SUZ12: variants seen among roughly 807,000 people sequenced by gnomAD.
The protein encoded by SUZ12 is SUZ12 polycomb repressive complex 2 subunit, also known as polycomb protein SUZ12.
A neutral mutation model predicts 87.3 loss-of-function variants in SUZ12; 17 were observed. That is an observed-to-expected ratio of 0.19 (90% confidence interval 0.13 to 0.29). The LOEUF is 0.29. Ranked by LOEUF, SUZ12 falls within the 10% of genes least tolerant of loss-of-function variation. The probability of loss-of-function intolerance (pLI) is 1.00; values close to 1 mark genes in which losing one functional copy is unlikely to be tolerated. For missense variants in SUZ12, 526 were observed against 912.2 expected (o/e 0.58, Z 5.45); for synonymous variants, 253 against 312.4 (o/e 0.81, Z 2.01).
At position 32,000,632 on chromosome 17, in the gene SUZ12, TAAAAAAAA is replaced by T. The variant is rs769296762; in HGVS notation, c.*1639_*1646del. 1 of 188,962 alleles carries T rather than the reference TAAAAAAAA, an allele frequency of 5.3e-6. No homozygotes were observed. The highest frequency in any genetic ancestry group is 1.0e-5 in the Non-Finnish European group (1 of 95,818). The allele number at this position is 188,962 out of a possible 1,614,324, so 11.7% of individuals were successfully genotyped here. A position where few individuals can be genotyped will look rare whatever the true frequency, so the allele number is the denominator to read the frequency against. ...AATTTGCTAAAGCTGTGCACATATGTAAAAAAAAAAAAAAAAAGATTATTTTAGGGGAG... is the reference window on the plus strand; with the variant it reads ...AATTTGCTAAAGCTGTGCACATATGTAAAAAAAAAGATTATTTTAGGGGAG... On this transcript the variant is annotated 3_prime_UTR_variant, in exon 16 of 16. Coordinates refer to ENST00000322652, the MANE Select transcript of SUZ12 (RefSeq NM_015355.4).
At chr17:31,956,324 G>A (rs1217152027) in intron 4 of SUZ12, among the ~76,000 whole-genome samples, 1 of 151,916 alleles carries the variant, frequency 6.6e-6, no homozygotes, top group Non-Finnish European at 1.5e-5. Context: ...CTCTGGAGTA[G>A]CTGGGACTAC....
At chr17:31,991,411 G>A (rs1237625140) in intron 10 of SUZ12, among the ~76,000 whole-genome samples, 1 of 145,916 alleles carries the variant, frequency 6.9e-6, no homozygotes, top group African/African-American at 2.8e-5. Flanking sequence ...GGTTTTGCAA[G>A]TAAACTGTAG....
chr17:31,945,905 C>A (rs1414147435), intron 3 of SUZ12, among the ~76,000 whole-genome samples: 2 of 152,112 alleles, frequency 1.3e-5, no homozygotes, highest in Non-Finnish European at 2.9e-5. Context: ...TAGTAACTTT[C>A]AGTATTTATA....
chr17:31,998,024 G>A (rs1297219232), intron 15 of SUZ12, among the ~76,000 whole-genome samples: 1 of 151,718 alleles, frequency 6.6e-6, no homozygotes, highest in Non-Finnish European at 1.5e-5. Context: ...GATCACTTGA[G>A]TTGAGGAATT....
intron 10 of SUZ12, among the ~76,000 whole-genome samples, chr17:31,989,839 G>A (rs1348210272): frequency 6.7e-6 from 1 of 149,256 alleles, no homozygotes; most frequent in Non-Finnish European, 1.5e-5. Flanking sequence ...TCGATCTCCT[G>A]ACCTTGTGAT....
At chr17:31,995,116 A>G (rs1909903811) in intron 13 of SUZ12, among the ~76,000 whole-genome samples, 1 of 152,202 alleles carries the variant, frequency 6.6e-6, no homozygotes, top group Non-Finnish European at 1.5e-5. Flanking sequence ...TAATAGTAAT[A>G]AAAAAATTAC....
intron 4 of SUZ12, among the ~76,000 whole-genome samples, chr17:31,957,796 T>G (rs374631533): frequency 1.1e-4 from 16 of 151,166 alleles, no homozygotes; most frequent in East Asian, 5.8e-4. Context: ...TCCACCAGCC[T>G]CAGCCTCCCA....
At chr17:31,976,100 C>T (rs973834474) in intron 7 of SUZ12, among the ~76,000 whole-genome samples, 1 of 152,198 alleles carries the variant, frequency 6.6e-6, no homozygotes, top group African/African-American at 2.4e-5. Flanking sequence ...CCTCCAAAGT[C>T]TCACAACCTA....
At chr17:31,996,343 G>A (rs1909978816) in intron 14 of SUZ12, among the ~76,000 whole-genome samples, 1 of 152,174 alleles carries the variant, frequency 6.6e-6, no homozygotes, top group African/African-American at 2.4e-5. Context: ...CGGCAGGTGT[G>A]CTGGCTCACA....
chr17:31,956,527 C>T lies in SUZ12; in HGVS notation c.455+8842C>T, dbSNP rs573047407. 2.0e-5 allele frequency among the ~76,000 whole-genome samples: 3 copies of T among 152,182 alleles called. No homozygotes were observed. The South Asian group carries it at 6.2e-4, about 32-fold the overall frequency. On this transcript the variant is annotated intron_variant, in intron 4 of 15. Coordinates refer to ENST00000322652, the MANE Select transcript of SUZ12 (RefSeq NM_015355.4). ...ATATAGTTATTGTTTCTGCATTGTT[C>T]TGTTTCTTCTAACATTAGACCAGTA...
chr17:31,956,160 G>A (rs563357662), intron 4 of SUZ12, among the ~76,000 whole-genome samples: 4 of 150,810 alleles, frequency 2.7e-5, no homozygotes, highest in African/African-American at 9.7e-5. Flanking sequence ...TGATCTGTCC[G>A]CCTCGGCCTC....
chr17:31,961,641 C>A (rs1186839254), intron 4 of SUZ12, among the ~76,000 whole-genome samples: 8 of 152,188 alleles, frequency 5.3e-5, no homozygotes, highest in African/African-American at 1.9e-4. Context: ...GGTGAAAGAT[C>A]ATTTTGTTTA....
At chr17:31,993,010 T>A (rs945577072) in intron 10 of SUZ12, among the ~76,000 whole-genome samples, 2 of 152,156 alleles carry the variant, frequency 1.3e-5, no homozygotes, top group East Asian at 3.8e-4. Context: ...CGGCCAGAGG[T>A]GCTTTTTAAG....
rs558830040 is a variant in SUZ12 at position 31,966,093 on chromosome 17, T to C, written c.456-54T>C. The C allele has an allele frequency of 2.4e-5, 35 of 1,453,118 alleles. No individual in the cohort carries two copies. In the African/African-American group the frequency reaches 4.2e-4, roughly 17 times the overall value. The allele number at this position is 1,453,118 out of a possible 1,614,324, so 90.0% of individuals were successfully genotyped here. A position where few individuals can be genotyped will look rare whatever the true frequency, so the allele number is the denominator to read the frequency against. On this transcript the variant is annotated intron_variant, in intron 4 of 15. Transcript: ENST00000322652. ...CAATGTTATATTTTAAAGTCTAGGTTATTTTACTACAGAGCATTACAATGA... is the reference window on the plus strand; with the variant it reads ...CAATGTTATATTTTAAAGTCTAGGTCATTTTACTACAGAGCATTACAATGA...
At chr17:31,972,200 A>T (rs1908472794) in intron 5 of SUZ12, among the ~76,000 whole-genome samples, 1 of 151,952 alleles carries the variant, frequency 6.6e-6, no homozygotes, top group Non-Finnish European at 1.5e-5. Flanking sequence ...TGGGAGGATC[A>T]CTTTAACCCG....
intron 4 of SUZ12, among the ~76,000 whole-genome samples, chr17:31,958,971 T>C (rs751857893): frequency 1.1e-4 from 16 of 152,210 alleles, no homozygotes; most frequent in Non-Finnish European, 1.9e-4. Flanking sequence ...TGAGCAGATA[T>C]CGCACCACTG....
At position 31,975,656 on chromosome 17, in the gene SUZ12, C is replaced by T. The variant is rs778990935; in HGVS notation, c.766C>T (p.Arg256Cys). Residue 256 changes from arginine to cysteine, a missense_variant, in exon 7 of 16, where the codon CGT becomes TGT. By Grantham distance (180) the Arg-to-Cys change is radical. Transcript: ENST00000322652. ...KSYSLLFRVTRPGRREFNGMI... is the reference protein window; with the variant it reads ...KSYSLLFRVTCPGRREFNGMI... ...TTACTCGTTGCTATTTAGAGTGACT[C>T]GTCCAGGAAGAAGAGAGTTTAATGG... is the stretch of plus-strand genomic sequence containing the variant. The T allele has an allele frequency of 1.9e-6, 3 of 1,613,542 alleles. No homozygotes were observed. The highest frequency in any genetic ancestry group is 2.5e-6 in the Non-Finnish European group (3 of 1,179,832).
chr17:31,988,098 G>A (rs949523917), intron 9 of SUZ12, among the ~76,000 whole-genome samples: 1 of 152,138 alleles, frequency 6.6e-6, no homozygotes, highest in South Asian at 2.1e-4. Context: ...CTGATCAGTG[G>A]TCGCCTCTTT....
Position 31,988,370 on chromosome 17 carries a change from T to G in SUZ12, c.1074T>G (p.Thr358=). ...TFSQGPTLQF[T]LRWTGETNDK... ...CTCAGGGACCTACGTTGCAGTTCACTCTTCGTTGGACAGGAGAGACCAATG... is the reference window on the plus strand; with the variant it reads ...CTCAGGGACCTACGTTGCAGTTCACGCTTCGTTGGACAGGAGAGACCAATG... The change falls in exon 10 of 16, where the codon ACT becomes ACG. Residue 358 remains threonine (T), a synonymous_variant. Transcript: ENST00000322652. 1 of 1,606,988 alleles carries G rather than the reference T, an allele frequency of 6.2e-7. No homozygotes were observed. The highest frequency in any genetic ancestry group is 1.1e-5 in the South Asian group (1 of 89,190).
Sources: allele counts gnomAD v4.1 joint callset (sites outside exome capture counted in the v4.1 genomes callset), GRCh38; gene constraint gnomAD v4.1.1; transcripts MANE v1.5; gene names NCBI Gene and HGNC (gene_info 2026-07-23, HGNC 2026-07-21).